The following RALB variants were observed in gnomAD, a reference collection of about 807,000 sequenced individuals.
The protein encoded by RALB is RAS like proto-oncogene B, also known as ras-related protein Ral-B.
RALB carries 16 observed loss-of-function variants against 21.3 expected under a neutral mutation model. The ratio of observed to expected loss-of-function variants is 0.75; its 90% CI spans 0.51 to 1.14. The LOEUF (loss-of-function observed/expected upper bound fraction) is 1.14. Ranked by LOEUF, RALB falls within the 50% of genes most tolerant of loss-of-function variation. The probability of loss-of-function intolerance (pLI) is 0.00; values close to 1 mark genes in which losing one functional copy is unlikely to be tolerated. For synonymous variants in RALB, 93 were observed against 96.1 expected (o/e 0.97, Z 0.19); for missense variants, 161 against 256.2 (o/e 0.63, Z 2.54).
At chr2:120,246,388 G>A (rs1405691442) in intron 1 of RALB, among the ~76,000 whole-genome samples, 2 of 152,198 alleles carry the variant, frequency 1.3e-5, no homozygotes, top group Non-Finnish European at 1.5e-5. Context: ...AGTAAGCAGT[G>A]ACTAAAGGGC....
intron 1 of RALB, among the ~76,000 whole-genome samples, chr2:120,259,234 C>T (rs543295960): frequency 4.4e-4 from 67 of 152,334 alleles, no homozygotes; most frequent in African/African-American, 1.4e-3. Context: ...AATGCTGGCT[C>T]GGGCAGCCTG....
rs2104672778 is a variant in RALB, at chr2:120,293,456, C to T, written c.*196C>T. On this transcript the variant is annotated 3_prime_UTR_variant, in exon 5 of 5. Coordinates refer to ENST00000272519, the MANE Select transcript of RALB (RefSeq NM_002881.3). Reference sequence around the variant, plus strand: ...TAAGCCCATGCAAGTGGAAGGGCTGCTTTGTCAGGAGGTTGTGGAATTTCT... The same window carrying T: ...TAAGCCCATGCAAGTGGAAGGGCTGTTTTGTCAGGAGGTTGTGGAATTTCT... 2.4e-6 allele frequency: 1 copy of T among 413,808 alleles called. No individual in the cohort carries two copies. Among genetic ancestry groups the T allele is most frequent in the South Asian group, 4.9e-5 (1 of 20,538 alleles). 25.6% of individuals were successfully genotyped at this position (413,808 alleles called of 1,614,324 possible).
At chr2:120,256,396 C>T (rs1689199688) in intron 1 of RALB, among the ~76,000 whole-genome samples, 1 of 151,838 alleles carries the variant, frequency 6.6e-6, no homozygotes, top group African/African-American at 2.4e-5. Context: ...TGGCTGTGTC[C>T]CTACCCAAAT....
At chr2:120,292,242 G>T (rs751707921) in intron 4 of RALB, among the ~76,000 whole-genome samples, 1 of 152,182 alleles carries the variant, frequency 6.6e-6, no homozygotes, top group Non-Finnish European at 1.5e-5. Flanking sequence ...TGAGATTGAG[G>T]GTGGGGGAGT....
chr2:120,254,213 CCA>C (rs1161731712), intron 1 of RALB, among the ~76,000 whole-genome samples: 2 of 152,104 alleles, frequency 1.3e-5, no homozygotes, highest in Non-Finnish European at 1.5e-5. Context: ...CCTCTGAGCT[CCA>C]GAGTCAGCAA....
In RALB at chr2:120,286,083, G is replaced by T; in HGVS notation, c.323+1G>T. On this transcript the variant is annotated splice_donor_variant, in intron 3 of 4. Transcript: ENST00000272519. LOFTEE classifies it high-confidence loss of function. ...CCTTTACAGCAACTGCCGAATTCAG[G>T]TATGTCTGAAATGAAATAGCAGAAG... 6.2e-7 allele frequency: 1 copy of T among 1,613,562 alleles called. No individual in the cohort carries two copies. Among genetic ancestry groups the T allele is most frequent in the South Asian group, 1.1e-5 (1 of 91,070 alleles).
intron 1 of RALB, among the ~76,000 whole-genome samples, chr2:120,277,537 TGTG>T (rs369803944): frequency 0.09 from 12,607 of 139,664 alleles, 655 homozygotes; most frequent in Non-Finnish European, 0.12. Context: ...AGTGTGTAGT[TGTG>T]TGTGTGTGTG....
At chr2:120,269,239 G>C (rs1689588451) in intron 1 of RALB, among the ~76,000 whole-genome samples, 3 of 152,150 alleles carry the variant, frequency 2.0e-5, no homozygotes, top group South Asian at 4.1e-4. Context: ...GATGTATCCG[G>C]AGTTTGTTCC....
At chr2:120,240,624 G>A (rs773215642) in intron 1 of RALB, among the ~76,000 whole-genome samples, 9 of 152,090 alleles carry the variant, frequency 5.9e-5, no homozygotes, top group Non-Finnish European at 1.3e-4. Flanking sequence ...ACCCAGGTCT[G>A]TGTGGTGCCA....
intron 2 of RALB, among the ~76,000 whole-genome samples, chr2:120,281,433 T>G (rs1054797671): frequency 1.3e-5 from 2 of 152,248 alleles, no homozygotes; most frequent in South Asian, 2.1e-4. Context: ...TCTTTAAAAC[T>G]TTATAATGGA....
intron 3 of RALB, among the ~76,000 whole-genome samples, chr2:120,287,109 G>C (rs1028436974): frequency 6.6e-6 from 1 of 152,172 alleles, no homozygotes; most frequent in African/African-American, 2.4e-5. Context: ...AATCAAATCA[G>C]TTTTTTTCAT....
At chr2:120,276,931 G>A (rs1689811008) in intron 1 of RALB, among the ~76,000 whole-genome samples, 2 of 152,174 alleles carry the variant, frequency 1.3e-5, no homozygotes, top group Admixed American at 1.3e-4. Flanking sequence ...CCCAAGCCCT[G>A]CCCTTTATTC....
At chr2:120,273,683 C>T (rs995462202) in intron 1 of RALB, among the ~76,000 whole-genome samples, 6 of 152,208 alleles carry the variant, frequency 3.9e-5, no homozygotes, top group Non-Finnish European at 2.9e-5. Context: ...TAAGAGAAGA[C>T]GCCGACCTGT....
intron 1 of RALB, among the ~76,000 whole-genome samples, chr2:120,273,403 CTG>C (rs1689716043): frequency 6.6e-6 from 1 of 150,954 alleles, no homozygotes; most frequent in Non-Finnish European, 1.5e-5. Context: ...TTCTGCAATA[CTG>C]ATGTTATCTA....
In RALB at chr2:120,252,947, G is replaced by C. The variant is rs1428651623; in HGVS notation, c.-81G>C. 5.1e-6 allele frequency: 5 copies of C among 985,764 alleles called. No homozygotes were observed. The African/African-American group carries it at 8.7e-5, about 17-fold the overall frequency. The allele number at this position is 985,764 out of a possible 1,614,324, so 61.1% of individuals were successfully genotyped here. Reference sequence around the variant, plus strand: ...GGCGCGTTTAAGAGCTGCGGGCCGGGTGCGGACGGCGGAGGCGGCGGGACT... The same window carrying C: ...GGCGCGTTTAAGAGCTGCGGGCCGGCTGCGGACGGCGGAGGCGGCGGGACT... On this transcript the variant is annotated 5_prime_UTR_variant, in exon 1 of 5. Coordinates refer to ENST00000272519, the MANE Select transcript of RALB (RefSeq NM_002881.3).
At chr2:120,270,714 C>T (rs1047932624) in intron 1 of RALB, among the ~76,000 whole-genome samples, 6 of 152,208 alleles carry the variant, frequency 3.9e-5, no homozygotes, top group Non-Finnish European at 5.9e-5. Flanking sequence ...TCCACCTTGA[C>T]CAGTCTCCCC....
Position 120,293,864 on chromosome 2 carries a change from A to G in RALB, c.*604A>G. 1 of 306,952 alleles carries G rather than the reference A, an allele frequency of 3.3e-6. No homozygotes were observed. The allele number at this position is 306,952 out of a possible 1,614,324, so 19.0% of individuals were successfully genotyped here. ...CTTCTGATTCCTCCTCACATATGAAAAGTGAAAGTTGTGAGTTGTTTTCCT... is the reference window on the plus strand; with the variant it reads ...CTTCTGATTCCTCCTCACATATGAAGAGTGAAAGTTGTGAGTTGTTTTCCT... On this transcript the variant is annotated 3_prime_UTR_variant, in exon 5 of 5. Transcript: ENST00000272519.
intron 3 of RALB, among the ~76,000 whole-genome samples, chr2:120,289,240 T>A (rs1690247099): frequency 1.1e-5 from 1 of 93,874 alleles, no homozygotes; most frequent in South Asian, 3.3e-4. Context: ...TTTTTCTTCT[T>A]TTTGTTTTTT....
At chr2:120,288,236 C>A (rs973864241) in intron 3 of RALB, among the ~76,000 whole-genome samples, 2 of 151,740 alleles carry the variant, frequency 1.3e-5, no homozygotes, top group African/African-American at 4.9e-5. Context: ...CAAATGTAGG[C>A]TATAACAAGG....
Sources: allele counts gnomAD v4.1 joint callset (sites outside exome capture counted in the v4.1 genomes callset), GRCh38; gene constraint gnomAD v4.1.1; transcripts MANE v1.5; gene names NCBI Gene and HGNC (gene_info 2026-07-23, HGNC 2026-07-21).